The following ATP1B4 variants were observed in gnomAD, a reference collection of about 807,000 sequenced individuals.
ATP1B4 encodes the protein protein ATP1B4.
A neutral mutation model predicts 29.6 loss-of-function variants in ATP1B4; 32 were observed. That is an observed-to-expected ratio of 1.08 (90% CI 0.82 to 1.45). The LOEUF (loss-of-function observed/expected upper bound fraction) is 1.45, where lower values mean the gene tolerates loss of function less well. Among genes scored for constraint, ATP1B4 ranks in the 40% most tolerant of loss-of-function variants. The pLI, the probability that ATP1B4 is intolerant of heterozygous loss-of-function variation, is 0.00. For synonymous variants in ATP1B4, 127 were observed against 102.1 expected, an observed-to-expected ratio of 1.24 and a Z score of -1.47; for missense variants, 323 against 276.2, an observed-to-expected ratio of 1.17 and a Z score of -1.20.
rs1439609683 is a variant in ATP1B4, at chrX:120,381,945, A to G, written c.*2311A>G. 3.6e-5 allele frequency: 4 copies of G among 111,896 alleles called. No individual in the cohort carries two copies. The highest frequency in any genetic ancestry group is 1.3e-4 in the African/African-American group (4 of 30,783). 9.2% of individuals were successfully genotyped at this position (111,896 alleles called of 1,213,427 possible). ...GAGAGAAGCAGGTTTGGAGAGATCA[A>G]TTTTGAACATTTTAGACATGATTTT... On this transcript the variant is annotated 3_prime_UTR_variant, in exon 8 of 8. Coordinates refer to ENST00000218008, the MANE Select transcript of ATP1B4 (RefSeq NM_001142447.3).
chrX:120,366,624 G>A lies in ATP1B4; in HGVS notation c.163G>A (p.Glu55Lys), dbSNP rs2058287625. 1 of 1,206,212 alleles carries A rather than the reference G, an allele frequency of 8.3e-7. No individual in the cohort carries two copies. The highest frequency in any genetic ancestry group is 1.8e-5 in the South Asian group (1 of 56,730). The change falls in exon 2 of 8, where the codon GAA becomes AAA. Residue 55 changes from glutamate (E) to lysine (K), a missense_variant. Transcript: ENST00000218008. ...GGTGGTGCCCAAATCGGAGGAGGAG[G>A]AAGAAGAGGAGGAGAAAGAAGAGGA... ...VTVVPKSEEE[E>K]EEEEKEEEEE...
At chrX:120,369,475 G>T (rs2074064509) in intron 2 of ATP1B4, among the ~76,000 whole-genome samples, 2 of 112,333 alleles carry the variant, frequency 1.8e-5, no homozygotes, top group South Asian at 3.6e-4. Context: ...TTTGGATTCA[G>T]TTTGGGGTAC....
intron 1 of ATP1B4, among the ~76,000 whole-genome samples, chrX:120,364,506 A>G (rs1001611346): frequency 8.9e-6 from 1 of 111,737 alleles, no homozygotes; most frequent in Non-Finnish European, 1.9e-5. Flanking sequence ...GTGGAGGGCC[A>G]TCGAGAGGCT....
rs1373549943 is a variant in ATP1B4, at chrX:120,376,434, C to G, written c.814C>G (p.Gln272Glu). 8.3e-7 allele frequency: 1 copy of G among 1,207,417 alleles called. No homozygotes were observed. The highest frequency in any genetic ancestry group is 2.2e-5 in the Admixed American group (1 of 46,004). ...TCCTGTGAAGGTTTCCTGCAAAGTTCAGGTAAAGAGTCCTTTTGAGTAAGC... is the reference window on the plus strand; with the variant it reads ...TCCTGTGAAGGTTTCCTGCAAAGTTGAGGTAAAGAGTCCTTTTGAGTAAGC... ...GDPVKVSCKV[Q>E]RGDENDIRSI... The change falls in exon 6 of 8, where the codon CAG (glutamine) becomes GAG (glutamate). Residue 272 changes from glutamine to glutamate, a missense_variant and splice_region_variant. Gln to Glu is a conservative substitution (Grantham distance 29). Coordinates refer to ENST00000218008, the MANE Select transcript of ATP1B4 (RefSeq NM_001142447.3).
intron 1 of ATP1B4, among the ~76,000 whole-genome samples, chrX:120,365,248 A>ATAT (rs2058280289): frequency 8.9e-6 from 1 of 112,112 alleles, no homozygotes; most frequent in Non-Finnish European, 1.9e-5. Flanking sequence ...TTCTGATGTG[A>ATAT]TATTTTATAT....
At position 120,366,754 on chromosome X, in the gene ATP1B4, G is replaced by A. The variant is rs752818660; in HGVS notation, c.293G>A (p.Arg98Lys). 1 of 1,211,791 alleles carries A rather than the reference G, an allele frequency of 8.3e-7. No homozygotes were observed. Among genetic ancestry groups the A allele is most frequent in the Non-Finnish European group, 1.1e-6 (1 of 895,355 alleles). ...AGTGAATACCTGTGGGATCCAGAGAGAAGGATGTTTCTGGCCCGAACAGGT... is the reference window on the plus strand; with the variant it reads ...AGTGAATACCTGTGGGATCCAGAGAAAAGGATGTTTCTGGCCCGAACAGGT... ...IMSEYLWDPE[R>K]RMFLARTGQS... The change falls in exon 2 of 8, where the codon AGA becomes AAA. Residue 98 changes from arginine to lysine, a missense_variant. Coordinates refer to ENST00000218008, the MANE Select transcript of ATP1B4 (RefSeq NM_001142447.3).
intron 4 of ATP1B4, among the ~76,000 whole-genome samples, chrX:120,375,044 A>T (rs1323377138): frequency 9.3e-6 from 1 of 107,181 alleles, no homozygotes; most frequent in Non-Finnish European, 1.9e-5. Flanking sequence ...ATCATGTCTG[A>T]AAAGAAATGG....
Position 120,378,720 on chromosome X carries a change from G to C in ATP1B4, c.859G>C (p.Glu287Gln), listed in dbSNP as rs376830115. 56 of 1,209,198 alleles carry C rather than the reference G, an allele frequency of 4.6e-5. No homozygotes were observed. Among genetic ancestry groups the C allele is most frequent in the Non-Finnish European group, 6.1e-5 (55 of 894,964 alleles). Residue 287 changes from glutamate (E) to glutamine (Q), a missense_variant, in exon 7 of 8, where the codon GAG (glutamate) becomes CAG (glutamine). Coordinates refer to ENST00000218008, the MANE Select transcript of ATP1B4 (RefSeq NM_001142447.3). Reference sequence around the variant, plus strand: ...CATCCGATCCATCAGTTACTACCCAGAGTCGGCTTCTTTTGACCTCCGCTA... The same window carrying C: ...CATCCGATCCATCAGTTACTACCCACAGTCGGCTTCTTTTGACCTCCGCTA... ...NDIRSISYYP[E>Q]SASFDLRYYP...
intron 1 of ATP1B4, among the ~76,000 whole-genome samples, chrX:120,363,292 T>C (rs1359506518): frequency 8.9e-6 from 1 of 112,405 alleles, no homozygotes; most frequent in Non-Finnish European, 1.9e-5. Flanking sequence ...TAGCCACAAT[T>C]TGAAGAACCG....
Position 120,379,748 on chromosome X carries a change from C to T in ATP1B4, c.*114C>T. ...GACACAGCCAGATGGACATCTAAGA[C>T]AGCCGATCATCTTTCCTTGCCTATG... On this transcript the variant is annotated 3_prime_UTR_variant, in exon 8 of 8. Transcript: ENST00000218008. The T allele has an allele frequency of 1.3e-6, 1 of 767,059 alleles. No individual in the cohort carries two copies. Among genetic ancestry groups the T allele is most frequent in the Non-Finnish European group, 1.8e-6 (1 of 547,807 alleles). 63.2% of individuals were successfully genotyped at this position (767,059 alleles called of 1,213,427 possible). A position where few individuals can be genotyped will look rare whatever the true frequency, so the allele number is the denominator to read the frequency against.
chrX:120,370,759 G>C lies in ATP1B4; in HGVS notation c.373G>C (p.Ala125Pro), dbSNP rs757935406. ...IYFFFYASLA[A>P]VITLCMYTLF... ...CTTCTTCTTCTATGCCTCCTTGGCT[G>C]CTGTGATCACCCTCTGCATGTACAC... Residue 125 changes from alanine to proline, a missense_variant, in exon 3 of 8, where the codon GCT (alanine) becomes CCT (proline). Ala to Pro is a conservative substitution (Grantham distance 27, BLOSUM62 -1). Coordinates refer to ENST00000218008, the MANE Select transcript of ATP1B4 (RefSeq NM_001142447.3). The C allele has an allele frequency of 4.1e-5, 50 of 1,209,408 alleles. No individual in the cohort carries two copies. Among genetic ancestry groups the C allele is most frequent in the Non-Finnish European group, 5.5e-5 (49 of 894,812 alleles).
Position 120,375,575 on chromosome X carries a change from T to A in ATP1B4, c.759+7T>A. The A allele has an allele frequency of 1.7e-6, 2 of 1,195,003 alleles. No homozygotes were observed. Among genetic ancestry groups the A allele is most frequent in the Non-Finnish European group, 2.3e-6 (2 of 884,731 alleles). Reference sequence around the variant, plus strand: ...CCTTCTAAAGATGAACCGGGTATATTGGCTTTTCATATCTGGTGGTGATAA... The same window carrying A: ...CCTTCTAAAGATGAACCGGGTATATAGGCTTTTCATATCTGGTGGTGATAA... On this transcript the variant is annotated splice_region_variant and intron_variant, in intron 5 of 7. Transcript: ENST00000218008.
rs1229842011 is a variant in ATP1B4 at position 120,381,779 on chromosome X, A to T, written c.*2145A>T. 3 of 112,247 alleles carry T rather than the reference A, an allele frequency of 2.7e-5. No homozygotes were observed. The highest frequency in any genetic ancestry group is 9.5e-5 in the Admixed American group (1 of 10,580). 9.3% of individuals were successfully genotyped at this position (112,247 alleles called of 1,213,427 possible). A position where few individuals can be genotyped will look rare whatever the true frequency, so the allele number is the denominator to read the frequency against. ...AATTTAGAAAGGGCACTTGGCAACC[A>T]CTATGTGAAGGGTGATTGGAGAAGG... On this transcript the variant is annotated 3_prime_UTR_variant, in exon 8 of 8. Coordinates refer to ENST00000218008, the MANE Select transcript of ATP1B4 (RefSeq NM_001142447.3).
At chrX:120,379,140 G>A (rs781311427) in intron 7 of ATP1B4, among the ~76,000 whole-genome samples, 13 of 111,145 alleles carry the variant, frequency 1.2e-4, no homozygotes, top group African/African-American at 3.6e-4. Context: ...CATTTGAAGC[G>A]CTGGGGTGAG....
chrX:120,378,797 T>C, intron 7 of ATP1B4, 24 bp downstream of exon 7: 1 of 1,159,862 alleles, frequency 8.6e-7, no homozygotes, highest in Non-Finnish European at 1.2e-6. Flanking sequence ...CCTTTAGTCA[T>C]TGCTGTCAGA....
At chrX:120,374,593 TACCC>T (rs2147254006) in intron 4 of ATP1B4, among the ~76,000 whole-genome samples, 1 of 46,261 alleles carries the variant, frequency 2.2e-5, no homozygotes, top group Non-Finnish European at 4.2e-5. Context: ...AATATATATA[TACCC>T]TTATATATAA....
At chrX:120,367,101 C>G (rs56033431) in intron 2 of ATP1B4, among the ~76,000 whole-genome samples, 149 of 111,062 alleles carry the variant, frequency 1.3e-3, no homozygotes, top group African/African-American at 4.7e-3. Context: ...CACTTTCTAT[C>G]CACGTGACCG....
At chrX:120,366,385 T>A in intron 1 of ATP1B4, 140 bp from the exon 2 acceptor site, 1 of 692,730 alleles carries the variant, frequency 1.4e-6, no homozygotes, top group Non-Finnish European at 2.1e-6. Context: ...CCACCTCTTG[T>A]AACAACATGT....
intron 6 of ATP1B4, among the ~76,000 whole-genome samples, chrX:120,377,100 G>C (rs1197231982): frequency 8.9e-6 from 1 of 112,271 alleles, no homozygotes. Context: ...GACCTGGATA[G>C]TTGTCTTGCA....
Sources: gnomAD v4.1 joint callset for allele counts (sites outside exome capture counted in the v4.1 genomes callset) on GRCh38, gnomAD v4.1.1 for gene constraint, MANE v1.5 for transcripts, NCBI Gene and HGNC (gene_info 2026-07-23, HGNC 2026-07-21) for gene names.